PIEZO2: variants seen among roughly 807,000 people sequenced by gnomAD.
The protein encoded by PIEZO2 is piezo-type mechanosensitive ion channel component 2.
A neutral mutation model predicts 337.3 loss-of-function variants in PIEZO2; 172 were observed. The ratio of observed to expected loss-of-function variants is 0.51; its 90% confidence interval spans 0.45 to 0.58. The LOEUF is 0.58. Ranked by LOEUF, PIEZO2 falls within the 20% of genes least tolerant of loss-of-function variation. PIEZO2 has a pLI of 0.00. For missense variants in PIEZO2, 3,028 were observed against 3,391.3 expected (o/e 0.89, Z 2.66); for synonymous variants, 1,251 against 1,228.5 (o/e 1.02, Z -0.38).
At chr18:10,758,274 C>G (rs1378937551) in intron 26 of PIEZO2, 140 bp from the exon 27 acceptor site, 13 of 1,023,196 alleles carry the variant, frequency 1.3e-5, no homozygotes, top group South Asian at 1.7e-5. Context: ...TAAAATTCAT[C>G]CTGGAGTCCA....
intron 3 of PIEZO2, among the ~76,000 whole-genome samples, chr18:10,938,820 C>G (rs2145233991): frequency 6.6e-6 from 1 of 152,346 alleles, no homozygotes; most frequent in African/African-American, 2.4e-5. Context: ...GGCACAGTGG[C>G]TCATGCCTGT....
intron 2 of PIEZO2, among the ~76,000 whole-genome samples, chr18:11,026,581 T>G (rs895815194): frequency 6.6e-6 from 1 of 152,226 alleles, no homozygotes; most frequent in African/African-American, 2.4e-5. Flanking sequence ...TTGCTGTTAT[T>G]GGCCTATGCT....
intron 2 of PIEZO2, among the ~76,000 whole-genome samples, chr18:11,026,597 T>C (rs1477742877): frequency 6.6e-6 from 1 of 152,214 alleles, no homozygotes; most frequent in Non-Finnish European, 1.5e-5. Context: ...ATGCTCCGTA[T>C]GGAAAGAGAT....
In PIEZO2 at chr18:11,116,104, C is replaced by A. The variant is rs1363976342; in HGVS notation, c.64+32421G>T. ...CTAAATAACAAACATAATACAGTAC[C>A]CTGTAAAGATACAGTAGCTATAATT... On this transcript the variant is annotated intron_variant, in intron 1 of 55. Coordinates refer to ENST00000674853, the MANE Select transcript of PIEZO2 (RefSeq NM_001378183.1). This position sits in a 1 kb window ranked among gnomAD's most constrained non-coding sequence, Gnocchi z 5.0. 6.6e-6 allele frequency among the ~76,000 whole-genome samples: 1 copy of A among 152,042 alleles called. No homozygotes were observed. The highest frequency in any genetic ancestry group is 6.6e-5 in the Admixed American group (1 of 15,248).
chr18:10,920,400 G>A (rs1254115353), intron 3 of PIEZO2, among the ~76,000 whole-genome samples: 1 of 152,020 alleles, frequency 6.6e-6, no homozygotes, highest in Non-Finnish European at 1.5e-5. Context: ...GAAAATTCCT[G>A]GCAATTATAC....
chr18:11,123,223 T>A (rs922561983), intron 1 of PIEZO2, among the ~76,000 whole-genome samples: 6 of 152,208 alleles, frequency 3.9e-5, no homozygotes, highest in Non-Finnish European at 8.8e-5. Context: ...AATATTAGTC[T>A]TTCTAGATAT....
chr18:10,726,405 C>T lies in PIEZO2; in HGVS notation c.5029+5002G>A. On this transcript the variant is annotated intron_variant, in intron 36 of 55. Coordinates refer to ENST00000674853, the MANE Select transcript of PIEZO2 (RefSeq NM_001378183.1). The surrounding 1 kb of genome is among the most constrained non-coding windows in gnomAD (Gnocchi z 5.9). ...GCGGGGCGGTAACAACGCGCGCCAG[C>T]CGTGGCACAACGCGGAGGGCCGGCT... The T allele has an allele frequency of 6.5e-7, 1 of 1,528,038 alleles. No homozygotes were observed. The allele number at this position is 1,528,038 out of a possible 1,614,324, so 94.7% of individuals were successfully genotyped here. A position where few individuals can be genotyped will look rare whatever the true frequency, so the allele number is the denominator to read the frequency against.
intron 7 of PIEZO2, among the ~76,000 whole-genome samples, chr18:10,838,858 T>C (rs2041101931): frequency 6.6e-6 from 1 of 152,178 alleles, no homozygotes; most frequent in African/African-American, 2.4e-5. Flanking sequence ...CAGCAAGACG[T>C]AGCTCAACAC....
intron 12 of PIEZO2, among the ~76,000 whole-genome samples, chr18:10,797,051 G>A (rs1056902189): frequency 2.7e-5 from 4 of 148,916 alleles, no homozygotes; most frequent in African/African-American, 1.0e-4. Context: ...CATCATATAT[G>A]TACTATCATG....
chr18:10,872,441 A>G lies in PIEZO2; in HGVS notation c.330-1026T>C, dbSNP rs149055706. 4.4e-4 allele frequency among the ~76,000 whole-genome samples: 67 copies of G among 152,276 alleles called. No homozygotes were observed. The highest frequency in any genetic ancestry group is 6.8e-3 in the Middle Eastern group (2 of 292). On this transcript the variant is annotated intron_variant, in intron 4 of 55. Coordinates refer to ENST00000674853, the MANE Select transcript of PIEZO2 (RefSeq NM_001378183.1). This position sits in a 1 kb window ranked among gnomAD's most constrained non-coding sequence, Gnocchi z 4.3. ...CAGTGGTAATGAATATGGGAATGAG[A>G]GGCAGTATACTGAGTTGCCAGCATA...
At position 10,847,435 on chromosome 18, in the gene PIEZO2, G is replaced by C. The variant is rs939524468; in HGVS notation, c.917+7918C>G. On this transcript the variant is annotated intron_variant, in intron 7 of 55. Coordinates refer to ENST00000674853, the MANE Select transcript of PIEZO2 (RefSeq NM_001378183.1). This position sits in a 1 kb window ranked among gnomAD's most constrained non-coding sequence, Gnocchi z 5.7. ...ACACTTAATCCAGGCTGAGAGTCTG[G>C]AAGGTGCAGTGGGGAAGTCTTAGGT... 5.3e-5 allele frequency among the ~76,000 whole-genome samples: 8 copies of C among 152,198 alleles called. No homozygotes were observed. Among genetic ancestry groups the C allele is most frequent in the Non-Finnish European group, 1.2e-4 (8 of 68,026 alleles).
At chr18:10,944,324 A>G (rs1380942050) in intron 3 of PIEZO2, among the ~76,000 whole-genome samples, 3 of 151,886 alleles carry the variant, frequency 2.0e-5, no homozygotes, top group Admixed American at 6.6e-5. Context: ...TAAAAAGACC[A>G]AGAAAGAAAC....
chr18:11,076,002 G>A (rs1042159842), intron 1 of PIEZO2, among the ~76,000 whole-genome samples: 3 of 151,952 alleles, frequency 2.0e-5, no homozygotes, highest in African/African-American at 7.3e-5. Context: ...TATCCAGGAT[G>A]GCCTGGATCT....
chr18:11,049,332 C>T (rs2037433724), intron 2 of PIEZO2, among the ~76,000 whole-genome samples: 1 of 152,158 alleles, frequency 6.6e-6, no homozygotes, highest in African/African-American at 2.4e-5. Flanking sequence ...GATGGCAGAG[C>T]CAGATTAATA....
chr18:10,877,420 G>C lies in PIEZO2; in HGVS notation c.330-6005C>G, dbSNP rs1032181968. Among the ~76,000 whole-genome samples, 2 of 152,200 alleles carry C rather than the reference G, an allele frequency of 1.3e-5. No individual in the cohort carries two copies. Among genetic ancestry groups the C allele is most frequent in the African/African-American group, 4.8e-5 (2 of 41,444 alleles). On this transcript the variant is annotated intron_variant, in intron 4 of 55. Coordinates refer to ENST00000674853, the MANE Select transcript of PIEZO2 (RefSeq NM_001378183.1). The surrounding 1 kb of genome is among the most constrained non-coding windows in gnomAD (Gnocchi z 5.3). ...CCAACTCGTCCGCTGAGAAACATTA[G>C]CATATATCCATTTTCCTACTGGATA...
intron 26 of PIEZO2, among the ~76,000 whole-genome samples, chr18:10,758,823 G>A (rs1229754930): frequency 3.3e-5 from 5 of 152,324 alleles, no homozygotes; most frequent in East Asian, 3.9e-4. Context: ...ACAGCACAGC[G>A]CAGCCTGAGA....
intron 3 of PIEZO2, among the ~76,000 whole-genome samples, chr18:10,967,011 G>GGT (rs2034029466): frequency 9.1e-6 from 1 of 109,392 alleles, no homozygotes; most frequent in Non-Finnish European, 1.9e-5. Flanking sequence ...CATTTTCTCT[G>GGT]TTTTTTGTTT....
At chr18:10,765,738 G>GGGCAACTGAACCA (rs869094547) in intron 21 of PIEZO2, among the ~76,000 whole-genome samples, 5 of 5,390 alleles carry the variant, frequency 9.3e-4, no homozygotes, top group East Asian at 0.022. Flanking sequence ...AGCAAGTGCA[G>GGGCAACTGAACCA]GAGTCCTGTG....
Position 10,957,856 on chromosome 18 carries a change from ATC to A in PIEZO2, c.286+21677_286+21678del, listed in dbSNP as rs548138758. Among the ~76,000 whole-genome samples, 474 of 152,358 alleles carry A rather than the reference ATC, an allele frequency of 3.1e-3. 5 individuals carry two copies. The highest frequency in any genetic ancestry group is 0.01 in the African/African-American group (426 of 41,590). ...TAACCTGATTAAAAACGGGCGAAGA[ATC>A]TGAACAAACATTTCTCAGAAGAGAT... is the stretch of plus-strand genomic sequence containing the variant. On this transcript the variant is annotated intron_variant, in intron 3 of 55. Coordinates refer to ENST00000674853, the MANE Select transcript of PIEZO2 (RefSeq NM_001378183.1).
Sources: gnomAD v4.1 joint callset for allele counts (sites outside exome capture counted in the v4.1 genomes callset) on GRCh38, gnomAD v4.1.1 for gene constraint, Gnocchi (gnomAD v3.1) non-coding constraint, MANE v1.5 for transcripts, NCBI Gene and HGNC (gene_info 2026-07-23, HGNC 2026-07-21) for gene names.